The following MYLK variants were observed in gnomAD, a reference collection of about 807,000 sequenced individuals.
MYLK encodes myosin light chain kinase.
MYLK carries 106 observed loss-of-function variants against 203.4 expected under a neutral mutation model. The observed-to-expected ratio is 0.52, with a 90% CI of 0.45 to 0.61. The LOEUF (loss-of-function observed/expected upper bound fraction) is 0.61. MYLK is among the 20% of genes least tolerant of loss of function. MYLK has a pLI of 0.00. For synonymous variants in MYLK, 867 were observed against 959.5 expected, an observed-to-expected ratio of 0.90 and a Z score of 1.78; for missense variants, 2,072 against 2,442.3, an observed-to-expected ratio of 0.85 and a Z score of 3.20.
At chr3:123,853,019 T>C (rs1267234852) in intron 2 of MYLK, among the ~76,000 whole-genome samples, 2 of 152,026 alleles carry the variant, frequency 1.3e-5, no homozygotes, top group Non-Finnish European at 2.9e-5. Flanking sequence ...TTAAGGCCTC[T>C]GAAGGATTTA....
chr3:123,853,310 C>A (rs1006992557), intron 2 of MYLK, among the ~76,000 whole-genome samples: 1 of 152,030 alleles, frequency 6.6e-6, no homozygotes, highest in Non-Finnish European at 1.5e-5. Flanking sequence ...GAAAGAAAGA[C>A]AGATGAGAGA....
At chr3:123,626,458 A>G (rs1576349708) in intron 31 of MYLK, among the ~76,000 whole-genome samples, 1 of 151,956 alleles carries the variant, frequency 6.6e-6, no homozygotes, top group Non-Finnish European at 1.5e-5. Flanking sequence ...CCATACTACC[A>G]CCCCATTCTC....
chr3:123,692,509 A>C, intron 19 of MYLK: 1 of 869,998 alleles, frequency 1.1e-6, no homozygotes. Context: ...CAGGACAGCC[A>C]GGGGAGGGGT....
At chr3:123,626,151 G>C (rs2058136961) in intron 31 of MYLK, among the ~76,000 whole-genome samples, 1 of 152,160 alleles carries the variant, frequency 6.6e-6, no homozygotes, top group African/African-American at 2.4e-5. Flanking sequence ...CTGACAGATG[G>C]CCTACCTTCA....
intron 2 of MYLK, among the ~76,000 whole-genome samples, chr3:123,833,682 C>T (rs534917878): frequency 6.6e-6 from 1 of 152,110 alleles, no homozygotes; most frequent in Admixed American, 6.5e-5. Flanking sequence ...CACAAGAAAA[C>T]AAAAAATAAA....
intron 4 of MYLK, among the ~76,000 whole-genome samples, chr3:123,774,086 C>T (rs73201811): frequency 1.3e-3 from 202 of 152,256 alleles, no homozygotes; most frequent in Middle Eastern, 3.4e-3. Context: ...AGAGGCTGGG[C>T]GCCAACCTTC....
intron 2 of MYLK, among the ~76,000 whole-genome samples, chr3:123,865,834 A>G (rs569459527): frequency 7.9e-5 from 12 of 152,264 alleles, no homozygotes; most frequent in South Asian, 4.1e-4. Flanking sequence ...AAGCAACACT[A>G]TGTGACTTCT....
At chr3:123,798,875 C>T (rs1409488873) in intron 3 of MYLK, among the ~76,000 whole-genome samples, 1 of 152,122 alleles carries the variant, frequency 6.6e-6, no homozygotes, top group Non-Finnish European at 1.5e-5. Context: ...ATGTGGAATG[C>T]TCTATCAGAA....
In MYLK at chr3:123,830,364, T is replaced by C. The variant is rs545664227; in HGVS notation, c.-4+1184A>G. ...CTGCTTTTCCCTTTATCAGCCATAT[T>C]AGAGTCCAACCTTATAGTCACTTTT... On this transcript the variant is annotated intron_variant, in intron 3 of 33. Coordinates refer to ENST00000360304, the MANE Select transcript of MYLK (RefSeq NM_053025.4). Among the ~76,000 whole-genome samples the C allele has an allele frequency of 2.0e-5, 3 of 152,342 alleles. No homozygotes were observed. In the South Asian group the frequency reaches 6.2e-4, roughly 32 times the overall value.
intron 29 of MYLK, chr3:123,630,963 C>T (rs2058392914): frequency 6.6e-6 from 1 of 152,220 alleles, no homozygotes; most frequent in Admixed American, 6.6e-5. Flanking sequence ...CACAGTCCCA[C>T]CCTTAGACAG....
At chr3:123,768,928 C>A (rs2063788575) in intron 4 of MYLK, among the ~76,000 whole-genome samples, 1 of 152,234 alleles carries the variant, frequency 6.6e-6, no homozygotes, top group South Asian at 2.1e-4. Context: ...TCCAGGACCA[C>A]TTGCTCTGCC....
intron 13 of MYLK, among the ~76,000 whole-genome samples, chr3:123,717,179 G>C (rs995443478): frequency 1.3e-5 from 2 of 152,218 alleles, no homozygotes; most frequent in African/African-American, 2.4e-5. Flanking sequence ...CATACGTTAT[G>C]TTAACTGGAT....
rs377442833 is a variant in MYLK, at chr3:123,861,157, A to C, written c.-127+15402T>G. On this transcript the variant is annotated intron_variant, in intron 2 of 33. Coordinates refer to ENST00000360304, the MANE Select transcript of MYLK (RefSeq NM_053025.4). ...AAAAAAAACAAAAAACAAAAAAAAAAAACTGATTGGACACTGTGTGATTGC... is the reference window on the plus strand; with the variant it reads ...AAAAAAAACAAAAAACAAAAAAAAACAACTGATTGGACACTGTGTGATTGC... Among the ~76,000 whole-genome samples, 243 of 151,634 alleles carry C rather than the reference A, an allele frequency of 1.6e-3. 1 individual carries two copies. The highest frequency in any genetic ancestry group is 7.1e-3 in the South Asian group (34 of 4,792).
intron 3 of MYLK, among the ~76,000 whole-genome samples, chr3:123,816,163 G>T (rs139192207): frequency 1.2e-3 from 180 of 152,354 alleles, no homozygotes; most frequent in African/African-American, 3.9e-3. Context: ...TGCATTGATG[G>T]CATACATCCT....
chr3:123,822,971 G>T (rs1441627631), intron 3 of MYLK, among the ~76,000 whole-genome samples: 1 of 152,142 alleles, frequency 6.6e-6, no homozygotes, highest in African/African-American at 2.4e-5. Context: ...GCTTCAATGA[G>T]GTTCCAGTTT....
At chr3:123,816,111 C>T (rs150775866) in intron 3 of MYLK, among the ~76,000 whole-genome samples, 212 of 152,372 alleles carry the variant, frequency 1.4e-3, no homozygotes, top group African/African-American at 4.9e-3. Flanking sequence ...GATATCAACA[C>T]TTCCTGGGAG....
intron 20 of MYLK, among the ~76,000 whole-genome samples, chr3:123,672,993 A>G (rs886983074): frequency 5.3e-5 from 8 of 152,126 alleles, no homozygotes; most frequent in Admixed American, 1.3e-4. Flanking sequence ...GCATCTCATA[A>G]AAGTCTGGTG....
At position 123,748,282 on chromosome 3, in the gene MYLK, C is replaced by T. The variant is rs577240408; in HGVS notation, c.373+4049G>A. Among the ~76,000 whole-genome samples the T allele has an allele frequency of 2.6e-5, 4 of 152,342 alleles. No homozygotes were observed. The East Asian group carries it at 7.7e-4, about 29-fold the overall frequency. On this transcript the variant is annotated intron_variant, in intron 5 of 33. Transcript: ENST00000360304. ...CATCACCAAGGGGATGGTATTAAGC[C>T]ATTCATGAGGGATCCATCCCCATGA...
intron 5 of MYLK, among the ~76,000 whole-genome samples, chr3:123,748,348 A>G (rs2063084681): frequency 1.3e-5 from 2 of 152,242 alleles, no homozygotes; most frequent in Non-Finnish European, 2.9e-5. Flanking sequence ...AACCTTGGAA[A>G]TCACGTTTCA....
Sources: gnomAD v4.1 joint callset for allele counts (sites outside exome capture counted in the v4.1 genomes callset) on GRCh38, gnomAD v4.1.1 for gene constraint, MANE v1.5 for transcripts, NCBI Gene and HGNC (gene_info 2026-07-23, HGNC 2026-07-21) for gene names.